SSH2: variants seen among roughly 807,000 people sequenced by gnomAD.
The protein encoded by SSH2 is protein phosphatase Slingshot homolog 2.
Under a neutral mutation model 135.2 loss-of-function variants are expected in SSH2, and 37 were observed. The ratio of observed to expected loss-of-function variants is 0.27; its 90% CI spans 0.21 to 0.36. SSH2 has a LOEUF of 0.36. Among genes scored for constraint, SSH2 ranks in the 10% least tolerant of loss-of-function variants. SSH2 has a pLI of 1.00. For synonymous variants in SSH2, 628 were observed against 646.2 expected (o/e 0.97, Z 0.43); for missense variants, 1,408 against 1,765.3 (o/e 0.80, Z 3.63).
chr17:29,688,231 G>T (rs996980100), intron 5 of SSH2, among the ~76,000 whole-genome samples: 1 of 151,374 alleles, frequency 6.6e-6, no homozygotes, highest in South Asian at 2.1e-4. Flanking sequence ...GGATGCTCTC[G>T]ATCTCTTGAC....
chr17:29,861,082 T>C (rs1404948485), intron 1 of SSH2, among the ~76,000 whole-genome samples: 1 of 152,098 alleles, frequency 6.6e-6, no homozygotes, highest in Non-Finnish European at 1.5e-5. Flanking sequence ...TTGTTTTTTT[T>C]TCTTGTATAT....
chr17:29,760,949 G>A (rs1473179063), intron 3 of SSH2, among the ~76,000 whole-genome samples: 1 of 151,632 alleles, frequency 6.6e-6, no homozygotes, highest in South Asian at 2.1e-4. Context: ...CCCCCACCCC[G>A]GGACACTTTC....
chr17:29,653,741 C>T (rs1055241601), intron 12 of SSH2, among the ~76,000 whole-genome samples: 3 of 152,278 alleles, frequency 2.0e-5, no homozygotes, highest in Non-Finnish European at 4.4e-5. Context: ...TGCCTGCCAT[C>T]ACACCTAGCT....
At chr17:29,873,796 G>A (rs1414872173) in intron 1 of SSH2, among the ~76,000 whole-genome samples, 1 of 152,062 alleles carries the variant, frequency 6.6e-6, no homozygotes, top group Non-Finnish European at 1.5e-5. Flanking sequence ...TTTTAGAAGA[G>A]GTTATAGACA....
chr17:29,645,957 AG>A, intron 14 of SSH2: 1 of 152,350 alleles, frequency 6.6e-6, no homozygotes, highest in South Asian at 2.1e-4. Flanking sequence ...CATTTTGTTC[AG>A]GGGAAACACA....
intron 14 of SSH2, among the ~76,000 whole-genome samples, chr17:29,643,693 C>T (rs544257308): frequency 1.0e-3 from 153 of 152,220 alleles, no homozygotes; most frequent in African/African-American, 3.6e-3. Flanking sequence ...GGGGTTTAGC[C>T]ATGTTGGCCA....
intron 3 of SSH2, among the ~76,000 whole-genome samples, chr17:29,787,179 G>A (rs564089021): frequency 3.9e-5 from 6 of 152,174 alleles, no homozygotes; most frequent in Non-Finnish European, 7.4e-5. Flanking sequence ...TATTCTGTCC[G>A]CATGAATTTG....
intron 1 of SSH2, among the ~76,000 whole-genome samples, chr17:29,888,134 A>G (rs1161871354): frequency 6.6e-6 from 1 of 152,162 alleles, no homozygotes; most frequent in Non-Finnish European, 1.5e-5. Flanking sequence ...GCTACTCAGG[A>G]GGCTGAGGCA....
chr17:29,723,176 T>G (rs768984428), intron 3 of SSH2, among the ~76,000 whole-genome samples: 3 of 152,102 alleles, frequency 2.0e-5, no homozygotes, highest in African/African-American at 7.2e-5. Context: ...ATATACTGTA[T>G]AAAAATCTGG....
intron 1 of SSH2, among the ~76,000 whole-genome samples, chr17:29,918,496 G>T (rs557471220): frequency 2.6e-5 from 4 of 152,254 alleles, no homozygotes; most frequent in African/African-American, 9.6e-5. Flanking sequence ...GTAAAAATAA[G>T]GGTGCAGATG....
At chr17:29,814,008 T>C (rs1194743812) in intron 2 of SSH2, among the ~76,000 whole-genome samples, 2 of 142,940 alleles carry the variant, frequency 1.4e-5, no homozygotes, top group East Asian at 4.1e-4. Context: ...GGCGCGCTTG[T>C]AGTCCCAGCT....
intron 3 of SSH2, among the ~76,000 whole-genome samples, chr17:29,767,496 G>C (rs1285384222): frequency 6.6e-6 from 1 of 150,804 alleles, no homozygotes; most frequent in Non-Finnish European, 1.5e-5. Context: ...AAGGTAAAAT[G>C]AAAGTCACCA....
At chr17:29,714,884 T>C (rs547269604) in intron 3 of SSH2, among the ~76,000 whole-genome samples, 1 of 152,320 alleles carries the variant, frequency 6.6e-6, no homozygotes, top group African/African-American at 2.4e-5. Flanking sequence ...TTTTGTTTTT[T>C]GGGACAGAGT....
rs1323986967 is a variant in SSH2, at chr17:29,650,803, GCAAGGAAAC to G, written c.1080-12_1080-4del. On this transcript the variant is annotated splice_region_variant and splice_polypyrimidine_tract_variant and intron_variant, in intron 12 of 15. Transcript: ENST00000540801. ...TGACATTCAAGATATACCGTACCCTGCAAGGAAACCAAGGGAGAATATGTGCTCTACTAC... is the reference window on the plus strand; with the variant it reads ...TGACATTCAAGATATACCGTACCCTGCAAGGGAGAATATGTGCTCTACTAC... 5 of 1,596,932 alleles carry G rather than the reference GCAAGGAAAC, an allele frequency of 3.1e-6. No homozygotes were observed. The highest frequency in any genetic ancestry group is 4.3e-6 in the Non-Finnish European group (5 of 1,171,056).
chr17:29,693,027 A>G (rs1298546196), intron 5 of SSH2, among the ~76,000 whole-genome samples: 1 of 152,146 alleles, frequency 6.6e-6, no homozygotes, highest in African/African-American at 2.4e-5. Flanking sequence ...TGGCGTGATC[A>G]TGGCTCACTG....
chr17:29,892,215 C>T (rs997147533), intron 1 of SSH2, among the ~76,000 whole-genome samples: 1 of 151,998 alleles, frequency 6.6e-6, no homozygotes, highest in African/African-American at 2.4e-5. Flanking sequence ...TAATAGCAAA[C>T]ATTTTAAATA....
At position 29,731,450 on chromosome 17, in the gene SSH2, T is replaced by C. The variant is rs570167885; in HGVS notation, c.189-28388A>G. Among the ~76,000 whole-genome samples, 596 of 150,264 alleles carry C rather than the reference T, an allele frequency of 4.0e-3. 1 individual carries two copies. The highest frequency in any genetic ancestry group is 7.4e-3 in the Non-Finnish European group (502 of 67,568). ...ATTTATTTATTTATTTATTTATTTA[T>C]TTATTTATTTATTTATTTATTTTGA... On this transcript the variant is annotated intron_variant, in intron 3 of 15. Coordinates refer to ENST00000540801, the MANE Select transcript of SSH2 (RefSeq NM_001282129.2).
At chr17:29,855,961 C>T (rs529694310) in intron 1 of SSH2, 55 of 302,280 alleles carry the variant, frequency 1.8e-4, no homozygotes, top group Non-Finnish European at 2.7e-4. Flanking sequence ...GTGGCTACTG[C>T]TTGCACTATT....
intron 14 of SSH2, chr17:29,643,336 T>C (rs2036241146): frequency 3.2e-6 from 3 of 942,700 alleles, no homozygotes; most frequent in African/African-American, 1.8e-5. Context: ...GAGGCCTGAT[T>C]TGATTTGGGT....
Sources: gnomAD v4.1 joint callset for allele counts (sites outside exome capture counted in the v4.1 genomes callset) on GRCh38, gnomAD v4.1.1 for gene constraint, MANE v1.5 for transcripts, NCBI Gene and HGNC (gene_info 2026-07-23, HGNC 2026-07-21) for gene names.